ZSCAN18: variants seen among roughly 807,000 people sequenced by gnomAD.
ZSCAN18 encodes the protein zinc finger and SCAN domain-containing protein 18.
In ZSCAN18, 16 loss-of-function variants were observed where a neutral mutation model predicts 31.1. That is an observed-to-expected ratio of 0.51 (90% CI 0.35 to 0.78). ZSCAN18 has a LOEUF of 0.78. Ranked by LOEUF, ZSCAN18 falls within the 30% of genes least tolerant of loss-of-function variation. ZSCAN18 has a pLI of 0.01. For missense variants in ZSCAN18, 731 were observed against 697.4 expected, an observed-to-expected ratio of 1.05 and a Z score of -0.54; for synonymous variants, 375 against 320.7, an observed-to-expected ratio of 1.17 and a Z score of -1.81.
intron 1 of ZSCAN18, among the ~76,000 whole-genome samples, chr19:58,112,073 G>A (rs886850352): frequency 6.6e-6 from 1 of 151,948 alleles, no homozygotes; most frequent in Non-Finnish European, 1.5e-5. Flanking sequence ...CTTACTCTGT[G>A]ACCCAGGCTG....
At chr19:58,085,920 C>G (rs1205137557) in intron 6 of ZSCAN18, 3 of 458,732 alleles carry the variant, frequency 6.5e-6, no homozygotes, top group African/African-American at 6.0e-5. Context: ...ACCCCCGGGA[C>G]CAGTCATACA....
chr19:58,085,337 T>C lies in ZSCAN18; in HGVS notation c.881A>G (p.Glu294Gly). The part of the protein sequence containing the change: ...RQESAGCACE[E>G]AAPAGVLPEL... ...AGGCAGCACCCCCGCGGGGGCGGCC[T>C]CCTCGCAGGCGCACCCAGCGCTCTC... Residue 294 changes from glutamate (E) to glycine (G), a missense_variant, in exon 7 of 7, where the codon GAG (glutamate) becomes GGG (glycine). Around this residue, in one of 4 missense-constraint regions of ZSCAN18, gnomAD observed 597 missense variants for 499.5 expected, o/e 1.20. Coordinates refer to ENST00000601144, the MANE Select transcript of ZSCAN18 (RefSeq NM_001145543.2). The C allele has an allele frequency of 6.3e-7, 1 of 1,593,754 alleles. No individual in the cohort carries two copies. The highest frequency in any genetic ancestry group is 1.3e-5 in the African/African-American group (1 of 74,806).
chr19:58,094,434 C>T (rs1404876887), intron 1 of ZSCAN18, among the ~76,000 whole-genome samples: 1 of 151,462 alleles, frequency 6.6e-6, no homozygotes, highest in Non-Finnish European at 1.5e-5. Context: ...AGAAATACAT[C>T]CTCTTATTCA....
rs755573057 is a variant in ZSCAN18 at position 58,111,523 on chromosome 19, GTT to G, written c.130+6742_130+6743del. Among the ~76,000 whole-genome samples the G allele has an allele frequency of 1.3e-3, 189 of 150,500 alleles. 1 individual carries two copies. The highest frequency in any genetic ancestry group is 1.1e-3 in the Non-Finnish European group (77 of 67,766). On this transcript the variant is annotated intron_variant, in intron 1 of 1. Transcript: ENST00000595721. ...ACCATGTGCAGCTACTTATAAAGTT[GTT>G]TTTTTGTTTTTTTTTTTTAAATAGA...
intron 1 of ZSCAN18, among the ~76,000 whole-genome samples, chr19:58,114,355 T>C (rs990741748): frequency 2.6e-5 from 4 of 152,204 alleles, no homozygotes; most frequent in African/African-American, 9.7e-5. Flanking sequence ...TAACAGGAAA[T>C]TATTGCTCAT....
intron 2 of ZSCAN18, 136 bp downstream of exon 2, chr19:58,089,729 T>C (rs1426478423): frequency 1.8e-6 from 2 of 1,084,992 alleles, no homozygotes; most frequent in African/African-American, 1.6e-5. Flanking sequence ...GCATCTGTCC[T>C]GGCCCGAGGA....
chr19:58,084,882 A>G lies in ZSCAN18; in HGVS notation c.1336T>C (p.Cys446Arg). The G allele has an allele frequency of 6.3e-7, 1 of 1,597,816 alleles. No homozygotes were observed. The highest frequency in any genetic ancestry group is 2.3e-5 in the East Asian group (1 of 44,278). ...AGGCTGAAGTGGAAGGTCTTCCAGC[A>G]GCCCTGACAGGCGTAGCGCTTCCGG... ...GGRKRYACQG[C>R]WKTFHFSLAL... The change falls in exon 7 of 7, where the codon TGC becomes CGC. Residue 446 changes from cysteine (C) to arginine (R), a missense_variant. Physicochemically the swap from Cys to Arg is radical, Grantham distance 180 (BLOSUM62 -3). Around this residue, in one of 4 missense-constraint regions of ZSCAN18, gnomAD observed 597 missense variants for 499.5 expected, o/e 1.20. Transcript: ENST00000601144. The surrounding 1 kb of genome is among the most constrained non-coding windows in gnomAD (Gnocchi z 4.5).
intron 1 of ZSCAN18, among the ~76,000 whole-genome samples, chr19:58,113,033 G>C (rs1412912637): frequency 6.6e-6 from 1 of 151,076 alleles, no homozygotes; most frequent in Admixed American, 6.6e-5. Flanking sequence ...AAAGGGTCAA[G>C]GGCCAGGCGC....
chr19:58,100,456 C>A (rs541486991), upstream of ZSCAN18, among the ~76,000 whole-genome samples: 3 of 152,296 alleles, frequency 2.0e-5, no homozygotes, highest in East Asian at 5.8e-4. Context: ...TTTAAGGTGA[C>A]TATCCCCATC....
At chr19:58,101,516 CTTCTTTTT>C (rs1448343491), upstream of ZSCAN18, among the ~76,000 whole-genome samples, 130 of 129,884 alleles carry the variant, frequency 1.0e-3, 2 homozygotes, top group Middle Eastern at 4.1e-3. Context: ...ACTTTATCTT[CTTCTTTTT>C]TTTTTTTTTT....
In ZSCAN18 at chr19:58,118,359, G is replaced by A. The variant is rs541652739; in HGVS notation, c.38C>T (p.Thr13Met). 1.8e-5 allele frequency: 28 copies of A among 1,533,000 alleles called. No homozygotes were observed. The African/African-American group carries it at 2.4e-4, about 13-fold the overall frequency. The allele number at this position is 1,533,000 out of a possible 1,614,324, so 95.0% of individuals were successfully genotyped here. A position where few individuals can be genotyped will look rare whatever the true frequency, so the allele number is the denominator to read the frequency against. ...AGGACGGAACTCACTTCCCGCCGCCGTAGCGTCCTCGTCAGCTCGCCCTCC... is the reference window on the plus strand; with the variant it reads ...AGGACGGAACTCACTTCCCGCCGCCATAGCGTCCTCGTCAGCTCGCCCTCC... Residue 13 changes from threonine (T) to methionine (M), a missense_variant, in exon 1 of 2, where the codon ACG becomes ATG. By Grantham distance (81) the Thr-to-Met change is moderately conservative. Coordinates refer to the ZSCAN18 transcript ENST00000595721.
chr19:58,103,627 A>G (rs1313475353), intron 1 of ZSCAN18, among the ~76,000 whole-genome samples: 1 of 152,060 alleles, frequency 6.6e-6, no homozygotes, highest in African/African-American at 2.4e-5. Context: ...GCTGGTACGC[A>G]CTCTCTCTCA....
At chr19:58,089,320 A>G (rs1270784530) in intron 2 of ZSCAN18, among the ~76,000 whole-genome samples, 9 of 132,474 alleles carry the variant, frequency 6.8e-5, no homozygotes, top group African/African-American at 2.2e-4. Flanking sequence ...AAAAAAAAAA[A>G]AAAAAAAAAA....
At chr19:58,109,448 T>C in intron 1 of ZSCAN18, 13 of 880,678 alleles carry the variant, frequency 1.5e-5, no homozygotes, top group Non-Finnish European at 1.8e-5. Flanking sequence ...CAATTCCACT[T>C]GCAAGGGTAC....
At chr19:58,109,659 G>C (rs577896275) in intron 1 of ZSCAN18, among the ~76,000 whole-genome samples, 2 of 152,244 alleles carry the variant, frequency 1.3e-5, no homozygotes, top group African/African-American at 2.4e-5. Flanking sequence ...ATTTGAAAGA[G>C]GAAGTATATA....
At chr19:58,097,479 T>C (rs962182237) in intron 1 of ZSCAN18, among the ~76,000 whole-genome samples, 4 of 151,400 alleles carry the variant, frequency 2.6e-5, no homozygotes, top group African/African-American at 9.7e-5. Flanking sequence ...CGCAGACACC[T>C]AACTCAAACA....
At chr19:58,106,992 T>G (rs1350863334) in intron 1 of ZSCAN18, among the ~76,000 whole-genome samples, 1 of 151,686 alleles carries the variant, frequency 6.6e-6, no homozygotes, top group Non-Finnish European at 1.5e-5. Flanking sequence ...CTCGAAATCC[T>G]GACCTCGTGA....
At chr19:58,098,442 G>A, upstream of ZSCAN18, 1 of 903,118 alleles carries the variant, frequency 1.1e-6, no homozygotes, top group South Asian at 5.1e-5. Context: ...AAACAAGCGG[G>A]TAAATAATAG....
rs570029686 is a variant in ZSCAN18, at chr19:58,112,432, C to T, written c.130+5835G>A. The stretch of plus-strand genomic sequence containing the variant: ...TTGGGAGGCCGAGGTGGGCGTATCA[C>T]GAGGTCAGGAGATCGAGATCATCCT... On this transcript the variant is annotated intron_variant, in intron 1 of 1. Transcript: ENST00000595721. Among the ~76,000 whole-genome samples, 257 of 152,070 alleles carry T rather than the reference C, an allele frequency of 1.7e-3. 1 individual carries two copies. Among genetic ancestry groups the T allele is most frequent in the Non-Finnish European group, 2.9e-3 (200 of 67,976 alleles).
Sources: allele counts gnomAD v4.1 joint callset (sites outside exome capture counted in the v4.1 genomes callset), GRCh38; gene constraint gnomAD v4.1.1; regional missense constraint gnomAD v4.1.1; non-coding constraint Gnocchi (gnomAD v3.1); transcripts MANE v1.5; gene names NCBI Gene and HGNC (gene_info 2026-07-23, HGNC 2026-07-21).